The following KIF6 variants were observed in gnomAD, a reference collection of about 807,000 sequenced individuals.
KIF6 encodes the protein kinesin family member 6.
A neutral mutation model predicts 112.7 loss-of-function variants in KIF6; 106 were observed. That is an observed-to-expected ratio of 0.94 (90% CI 0.80 to 1.11). KIF6 has a LOEUF of 1.11. Among genes scored for constraint, KIF6 ranks in the 50% least tolerant of loss-of-function variants. KIF6 has a pLI of 0.00. For missense variants in KIF6, 929 were observed against 964.0 expected, an observed-to-expected ratio of 0.96 and a Z score of 0.48; for synonymous variants, 339 against 339.9, an observed-to-expected ratio of 1.00 and a Z score of 0.03.
At chr6:39,362,713 C>T (rs1032070737) in intron 16 of KIF6, among the ~76,000 whole-genome samples, 195 bp from the exon 17 acceptor site, 1 of 152,200 alleles carries the variant, frequency 6.6e-6, no homozygotes, top group Non-Finnish European at 1.5e-5. Context: ...TATTGTCCCT[C>T]TGCTGTCCCT....
chr6:39,443,148 AATAATAAT>A (rs879831723), intron 13 of KIF6, among the ~76,000 whole-genome samples: 2,781 of 139,058 alleles, frequency 0.02, 120 homozygotes, highest in Admixed American at 0.12. Context: ...TAATAATAAT[AATAATAAT>A]AATAAATAAA....
At chr6:39,518,858 G>T (rs1414300336) in intron 13 of KIF6, among the ~76,000 whole-genome samples, 8 of 152,156 alleles carry the variant, frequency 5.3e-5, no homozygotes. Flanking sequence ...TTTCTAAAAA[G>T]AGATCTGTAA....
chr6:39,442,488 G>A (rs73424687), intron 13 of KIF6, among the ~76,000 whole-genome samples: 2,214 of 152,320 alleles, frequency 0.015, 60 homozygotes, highest in African/African-American at 0.049. Flanking sequence ...GTGGACAGAC[G>A]CAGGCACTGA....
At chr6:39,388,358 A>G (rs1384078714) in intron 15 of KIF6, among the ~76,000 whole-genome samples, 1 of 151,934 alleles carries the variant, frequency 6.6e-6, no homozygotes. Flanking sequence ...GCTCACGTAA[A>G]TAAAGAGGGG....
intron 10 of KIF6, among the ~76,000 whole-genome samples, chr6:39,551,809 A>G (rs1779399388): frequency 6.6e-6 from 1 of 152,180 alleles, no homozygotes; most frequent in South Asian, 2.1e-4. Flanking sequence ...TCATTCATCA[A>G]CCCTCTGTGG....
intron 13 of KIF6, among the ~76,000 whole-genome samples, chr6:39,506,711 A>G (rs1018942000): frequency 3.9e-5 from 6 of 152,162 alleles, no homozygotes; most frequent in Non-Finnish European, 5.9e-5. Context: ...TGACAGGTGT[A>G]TCTTTCATTC....
intron 6 of KIF6, among the ~76,000 whole-genome samples, chr6:39,612,209 T>C (rs986371377): frequency 6.6e-6 from 1 of 152,214 alleles, no homozygotes; most frequent in Non-Finnish European, 1.5e-5. Context: ...TGGGGCTGAA[T>C]AAAAGGTCCC....
chr6:39,569,685 A>C (rs1262208199), intron 10 of KIF6, among the ~76,000 whole-genome samples: 1 of 152,134 alleles, frequency 6.6e-6, no homozygotes, highest in African/African-American at 2.4e-5. Flanking sequence ...TTCCTATATA[A>C]AATCTTTCCT....
In KIF6 at chr6:39,584,417, T is replaced by TAC. The variant is rs1481333003; in HGVS notation, c.1077+480_1077+481insGT. Among the ~76,000 whole-genome samples the TAC allele has an allele frequency of 1.2e-3, 53 of 46,060 alleles. 12 individuals carry two copies. Among genetic ancestry groups the TAC allele is most frequent in the Non-Finnish European group, 1.9e-3 (31 of 16,108 alleles). 30.2% of individuals were successfully genotyped at this position (46,060 alleles called of 152,430 possible). On this transcript the variant is annotated intron_variant, in intron 9 of 22. Coordinates refer to ENST00000287152, the MANE Select transcript of KIF6 (RefSeq NM_145027.6). Reference sequence around the variant, plus strand: ...TCCAGCCTGAGCAAGACTCTGTCTCTAAAAAAAAAAAAAAAAAAAAAAAAA... The same window carrying TAC: ...TCCAGCCTGAGCAAGACTCTGTCTCTACAAAAAAAAAAAAAAAAAAAAAAAAA...
intron 13 of KIF6, among the ~76,000 whole-genome samples, chr6:39,476,199 A>G (rs1413075656): frequency 6.6e-6 from 1 of 150,942 alleles, no homozygotes; most frequent in Non-Finnish European, 1.5e-5. Context: ...CCCAGAACTT[A>G]AAATTAAATT....
chr6:39,455,962 G>C (rs1412517324), intron 13 of KIF6, among the ~76,000 whole-genome samples: 22 of 92,028 alleles, frequency 2.4e-4, no homozygotes, highest in Non-Finnish European at 4.1e-4. Context: ...TATTATCCAG[G>C]AGAACTTCCC....
intron 5 of KIF6, among the ~76,000 whole-genome samples, chr6:39,616,319 T>G (rs2061466): frequency 0.039 from 5,968 of 152,274 alleles, 344 homozygotes; most frequent in African/African-American, 0.13. Flanking sequence ...AAAATACACT[T>G]TGTACATGCC....
chr6:39,693,368 C>G (rs937663945), intron 3 of KIF6, among the ~76,000 whole-genome samples: 1 of 152,134 alleles, frequency 6.6e-6, no homozygotes, highest in African/African-American at 2.4e-5. Flanking sequence ...AGTAACAAAA[C>G]CCCAGATTTT....
At position 39,697,799 on chromosome 6, in the gene KIF6, C is replaced by T. The variant is rs555543824; in HGVS notation, c.251+16893G>A. On this transcript the variant is annotated intron_variant, in intron 3 of 22. Coordinates refer to ENST00000287152, the MANE Select transcript of KIF6 (RefSeq NM_145027.6). ...CTGACCTCAGGTGATCCACCTGCCT[C>T]GGCCTCCCAAAGTGCTGGGATTACA... Among the ~76,000 whole-genome samples, 3 of 152,168 alleles carry T rather than the reference C, an allele frequency of 2.0e-5. No homozygotes were observed. In the East Asian group the frequency reaches 5.8e-4, roughly 29 times the overall value.
At chr6:39,408,481 T>C (rs1255745880) in intron 15 of KIF6, among the ~76,000 whole-genome samples, 1 of 152,222 alleles carries the variant, frequency 6.6e-6, no homozygotes, top group East Asian at 1.9e-4. Context: ...AAGTAGTTAA[T>C]AGTATTTACA....
At position 39,431,100 on chromosome 6, in the gene KIF6, G is replaced by A. The variant is rs768370788; in HGVS notation, c.1707C>T (p.His569=). 18 of 1,613,314 alleles carry A rather than the reference G, an allele frequency of 1.1e-5. No homozygotes were observed. The highest frequency in any genetic ancestry group is 2.2e-5 in the East Asian group (1 of 44,880). The change falls in exon 14 of 23, where the codon CAC becomes CAT. Residue 569 remains histidine, a synonymous_variant. Coordinates refer to ENST00000287152, the MANE Select transcript of KIF6 (RefSeq NM_145027.6). Reference sequence around the variant, plus strand: ...TGTCATCGATGGTAACGCTGTCAGCGTGGTCCCTCTTGAAGATTTCAAAAG... The same window carrying A: ...TGTCATCGATGGTAACGCTGTCAGCATGGTCCCTCTTGAAGATTTCAAAAG... ...QEAFEIFKRD[H]ADSVTIDDNK... is the part of the protein sequence containing the mutation.
At chr6:39,607,532 TA>T (rs1202660278) in intron 6 of KIF6, among the ~76,000 whole-genome samples, 1 of 152,176 alleles carries the variant, frequency 6.6e-6, no homozygotes, top group Non-Finnish European at 1.5e-5. Context: ...ATATATCTTT[TA>T]CTAAGGCTTC....
At chr6:39,420,626 G>T (rs1343368056) in intron 14 of KIF6, among the ~76,000 whole-genome samples, 1 of 152,146 alleles carries the variant, frequency 6.6e-6, no homozygotes, top group Non-Finnish European at 1.5e-5. Flanking sequence ...GCTGATTCCT[G>T]TTATATACCG....
At chr6:39,471,871 T>C (rs1260785408) in intron 13 of KIF6, among the ~76,000 whole-genome samples, 1 of 152,198 alleles carries the variant, frequency 6.6e-6, no homozygotes, top group Non-Finnish European at 1.5e-5. Flanking sequence ...ATAGAGTAAA[T>C]TGTAAATACA....
Sources: gnomAD v4.1 joint callset for allele counts (sites outside exome capture counted in the v4.1 genomes callset) on GRCh38, gnomAD v4.1.1 for gene constraint, MANE v1.5 for transcripts, NCBI Gene and HGNC (gene_info 2026-07-23, HGNC 2026-07-21) for gene names.